MACC1: variants seen among roughly 807,000 people sequenced by gnomAD.
MACC1 encodes MET transcriptional regulator MACC1.
In MACC1, 79 loss-of-function variants were observed where a neutral mutation model predicts 70.7. The observed-to-expected ratio is 1.12, with a 90% confidence interval of 0.93 to 1.35. The LOEUF (loss-of-function observed/expected upper bound fraction) is 1.35, where lower values mean the gene tolerates loss of function less well. Ranked by LOEUF, MACC1 falls within the 40% of genes most tolerant of loss-of-function variation. MACC1 has a pLI of 0.00. For missense variants in MACC1, 1,106 were observed against 978.1 expected (o/e 1.13, Z -1.74); for synonymous variants, 361 against 347.2 (o/e 1.04, Z -0.44).
intron 2 of MACC1, among the ~76,000 whole-genome samples, chr7:20,168,084 T>C (rs1043118446): frequency 3.9e-5 from 6 of 152,200 alleles, no homozygotes; most frequent in Non-Finnish European, 7.3e-5. Flanking sequence ...GAGAGGTTGA[T>C]AGTTATTTGT....
intron 6 of MACC1, chr7:20,147,659 T>C (rs1781912985): frequency 6.6e-6 from 1 of 152,192 alleles, no homozygotes; most frequent in Non-Finnish European, 1.5e-5. Flanking sequence ...GGGGCCCCTA[T>C]GTCCTCACGA....
chr7:20,157,766 CAAAAAAAAAAAAAAA>C (rs370288319), intron 5 of MACC1, among the ~76,000 whole-genome samples: 4 of 53,916 alleles, frequency 7.4e-5, no homozygotes, highest in African/African-American at 2.4e-4. Flanking sequence ...GACTTTGTCT[CAAAAAAAAAAAAAAA>C]AAAAAAAGAA....
chr7:20,181,262 T>C (rs1284696581), intron 1 of MACC1, among the ~76,000 whole-genome samples: 1 of 152,086 alleles, frequency 6.6e-6, no homozygotes, highest in Non-Finnish European at 1.5e-5. Context: ...AAATCTTACA[T>C]TATATAAATA....
At chr7:20,151,750 A>T (rs1422649043) in intron 6 of MACC1, among the ~76,000 whole-genome samples, 1 of 152,204 alleles carries the variant, frequency 6.6e-6, no homozygotes, top group Non-Finnish European at 1.5e-5. Flanking sequence ...TTTAATTTTG[A>T]GGCAATTTTT....
At chr7:20,201,246 T>C (rs930964070) in intron 1 of MACC1, among the ~76,000 whole-genome samples, 1 of 152,114 alleles carries the variant, frequency 6.6e-6, no homozygotes, top group Non-Finnish European at 1.5e-5. Flanking sequence ...GTCCCCCCCA[T>C]GGACTAATTA....
At chr7:20,207,840 A>C (rs1044363925) in intron 1 of MACC1, among the ~76,000 whole-genome samples, 2 of 152,192 alleles carry the variant, frequency 1.3e-5, no homozygotes, top group African/African-American at 4.8e-5. Flanking sequence ...GGTTAACAGG[A>C]TATACACACT....
At chr7:20,165,188 T>C (rs773644345) in intron 2 of MACC1, among the ~76,000 whole-genome samples, 5 of 152,162 alleles carry the variant, frequency 3.3e-5, no homozygotes, top group Non-Finnish European at 7.4e-5. Context: ...CAAAACTCAG[T>C]GGCACCAGGA....
At position 20,158,397 on chromosome 7, in the gene MACC1, G is replaced by T. The variant is rs1248610849; in HGVS notation, c.1964C>A (p.Thr655Asn). 1 of 1,613,748 alleles carries T rather than the reference G, an allele frequency of 6.2e-7. No individual in the cohort carries two copies. The highest frequency in any genetic ancestry group is 8.5e-7 in the Non-Finnish European group (1 of 1,179,958). The change falls in exon 5 of 7, where the codon ACC becomes AAC. Residue 655 changes from threonine (T) to asparagine (N), a missense_variant. Transcript: ENST00000400331. Reference protein sequence around the residue: ...KLTYIYSVVLTLVSEKVYDWK... With the variant: ...KLTYIYSVVLNLVSEKVYDWK... Reference sequence around the variant, plus strand: ...ATCATAAACTTTTTCTGACACCAAGGTTAATACAACTGAGTAGATATAAGT... The same window carrying T: ...ATCATAAACTTTTTCTGACACCAAGTTTAATACAACTGAGTAGATATAAGT...
At chr7:20,204,155 T>C (rs1782873241) in intron 1 of MACC1, among the ~76,000 whole-genome samples, 1 of 152,154 alleles carries the variant, frequency 6.6e-6, no homozygotes, top group South Asian at 2.1e-4. Context: ...TCAATTCTTT[T>C]TGTTTGTTTG....
At chr7:20,175,964 T>C (rs7810424) in intron 1 of MACC1, among the ~76,000 whole-genome samples, 3,889 of 152,054 alleles carry the variant, frequency 0.026, 182 homozygotes, top group African/African-American at 0.089. Flanking sequence ...GTGTTAGAAG[T>C]GGGTTCTACA....
chr7:20,193,332 T>C (rs1410979061), intron 1 of MACC1, among the ~76,000 whole-genome samples: 1 of 152,184 alleles, frequency 6.6e-6, no homozygotes, highest in Non-Finnish European at 1.5e-5. Flanking sequence ...TCTAACAACA[T>C]GAGAAATTGT....
At chr7:20,180,300 G>A (rs545557339) in intron 1 of MACC1, among the ~76,000 whole-genome samples, 4 of 151,600 alleles carry the variant, frequency 2.6e-5, no homozygotes, top group South Asian at 4.2e-4. Flanking sequence ...AAAATTAGCC[G>A]GGCGTGGTGG....
At chr7:20,178,745 C>T (rs900274258) in intron 1 of MACC1, among the ~76,000 whole-genome samples, 14 of 152,062 alleles carry the variant, frequency 9.2e-5, no homozygotes, top group African/African-American at 3.4e-4. Flanking sequence ...GGATTACAGG[C>T]ATGCACCACC....
chr7:20,161,943 C>T, intron 3 of MACC1, 73 bp from the exon 4 acceptor site: 1 of 867,576 alleles, frequency 1.2e-6, no homozygotes, highest in Non-Finnish European at 1.9e-6. Flanking sequence ...AACTCAAAGA[C>T]ATCATACGTA....
chr7:20,204,664 A>G (rs959420416), intron 1 of MACC1, among the ~76,000 whole-genome samples: 15 of 152,222 alleles, frequency 9.9e-5, no homozygotes, highest in African/African-American at 2.9e-4. Flanking sequence ...TTTTTTGGTT[A>G]GGTGAGCTGT....
intron 6 of MACC1, 138 bp from the exon 7 acceptor site, chr7:20,141,296 C>G (rs1781797269): frequency 1.8e-6 from 1 of 541,020 alleles, no homozygotes; most frequent in Non-Finnish European, 3.1e-6. Context: ...TATTTGATGT[C>G]ATAGAAAATA....
intron 1 of MACC1, among the ~76,000 whole-genome samples, chr7:20,205,943 T>A (rs1782905053): frequency 6.6e-6 from 1 of 152,118 alleles, no homozygotes; most frequent in African/African-American, 2.4e-5. Flanking sequence ...TATCTCTTCT[T>A]CCTTATCTCT....
chr7:20,160,386 T>C (rs2128102960), intron 4 of MACC1, 141 bp from the exon 5 acceptor site: 1 of 963,822 alleles, frequency 1.0e-6, no homozygotes, highest in Non-Finnish European at 1.4e-6. Context: ...CTAGCTAACA[T>C]AAACTCAATG....
At position 20,141,023 on chromosome 7, in the gene MACC1, AT is replaced by A. The variant is rs865981166; in HGVS notation, c.2481del (p.Glu827AspfsTer2). 3 of 1,614,014 alleles carry A rather than the reference AT, an allele frequency of 1.9e-6. No individual in the cohort carries two copies. In the African/African-American group the frequency reaches 4.0e-5, roughly 22 times the overall value. ...MKNPVTKHWR[E>X]LTGVLILVNS... ...TTTACTAGTATTAAAACTCCAGTTA[AT>A]TCTCTCCAGTGTTTAGTCACAGGGT... is the stretch of plus-strand genomic sequence containing the variant. On this transcript the variant is annotated frameshift_variant, in exon 7 of 7. Coordinates refer to ENST00000400331, the MANE Select transcript of MACC1 (RefSeq NM_182762.4). LOFTEE classifies it high-confidence loss of function.
Sources: allele counts gnomAD v4.1 joint callset (sites outside exome capture counted in the v4.1 genomes callset), GRCh38; gene constraint gnomAD v4.1.1; transcripts MANE v1.5; gene names NCBI Gene and HGNC (gene_info 2026-07-23, HGNC 2026-07-21).